The following DGKB variants were observed in gnomAD, a reference collection of about 807,000 sequenced individuals.
DGKB encodes diacylglycerol kinase beta.
Under a neutral mutation model 114.3 loss-of-function variants are expected in DGKB, and 67 were observed. The observed-to-expected ratio is 0.59, with a 90% CI of 0.48 to 0.72. The LOEUF (loss-of-function observed/expected upper bound fraction) is 0.72. Among genes scored for constraint, DGKB ranks in the 30% least tolerant of loss-of-function variants. The probability of loss-of-function intolerance (pLI) is 0.00; values close to 1 mark genes in which losing one functional copy is unlikely to be tolerated. For missense variants in DGKB, 907 were observed against 975.2 expected, an observed-to-expected ratio of 0.93 and a Z score of 0.93; for synonymous variants, 398 against 323.1, an observed-to-expected ratio of 1.23 and a Z score of -2.49.
chr7:14,331,818 T>C (rs1809763752), intron 23 of DGKB, among the ~76,000 whole-genome samples: 1 of 152,164 alleles, frequency 6.6e-6, no homozygotes. Flanking sequence ...TGCTTTGTTT[T>C]GCTTTTCTTC....
intron 21 of DGKB, among the ~76,000 whole-genome samples, chr7:14,438,137 G>A (rs1196195620): frequency 6.6e-6 from 1 of 151,890 alleles, no homozygotes; most frequent in Non-Finnish European, 1.5e-5. Flanking sequence ...AAAACTCAGG[G>A]ATACTAGGAG....
At chr7:14,305,050 AC>A (rs1278775619) in intron 23 of DGKB, among the ~76,000 whole-genome samples, 12 of 152,178 alleles carry the variant, frequency 7.9e-5, no homozygotes, top group Admixed American at 7.9e-4. Flanking sequence ...TGATATTTTC[AC>A]ATATGCATAC....
intron 20 of DGKB, among the ~76,000 whole-genome samples, chr7:14,528,030 TAA>T (rs1790924053): frequency 6.6e-6 from 1 of 152,070 alleles, no homozygotes; most frequent in African/African-American, 2.4e-5. Context: ...CATCTTTGGG[TAA>T]AGTGAAATAA....
intron 1 of DGKB, among the ~76,000 whole-genome samples, chr7:14,864,082 C>T (rs150011119): frequency 1.3e-4 from 17 of 133,656 alleles, no homozygotes; most frequent in African/African-American, 4.1e-4. Context: ...GTCTGGGCAA[C>T]GGGAGCAAAA....
At chr7:14,451,475 C>A (rs1238904947) in intron 21 of DGKB, among the ~76,000 whole-genome samples, 1 of 151,966 alleles carries the variant, frequency 6.6e-6, no homozygotes, top group Admixed American at 6.6e-5. Context: ...AGCTTACTGA[C>A]TGTGGATCTT....
chr7:14,607,667 G>C (rs1243432017), intron 16 of DGKB, among the ~76,000 whole-genome samples, 159 bp from the exon 17 acceptor site: 1 of 151,556 alleles, frequency 6.6e-6, no homozygotes, highest in South Asian at 2.1e-4. Flanking sequence ...AATATCAGAA[G>C]TCCAACAGCT....
rs545500430 is a variant in DGKB, at chr7:14,443,983, C to T, written c.1835+34178G>A. Among the ~76,000 whole-genome samples the T allele has an allele frequency of 1.6e-4, 24 of 151,774 alleles. No individual in the cohort carries two copies. The South Asian group carries it at 5.0e-3, about 32-fold the overall frequency. ...TTAAAGCTCTTTCCCTCATGTTTTA[C>T]TCTATCTTCTGTTTCATTAATACTC... On this transcript the variant is annotated intron_variant, in intron 21 of 25. Transcript: ENST00000402815.
At chr7:14,592,742 G>A (rs952357798) in intron 17 of DGKB, among the ~76,000 whole-genome samples, 12 of 151,286 alleles carry the variant, frequency 7.9e-5, no homozygotes, top group African/African-American at 2.9e-4. Context: ...ATTACAAAAT[G>A]GGGGAAAGGT....
intron 20 of DGKB, among the ~76,000 whole-genome samples, chr7:14,508,074 T>C (rs762971543): frequency 3.9e-5 from 6 of 152,314 alleles, no homozygotes; most frequent in Middle Eastern, 3.4e-3. Context: ...CAATAGACAA[T>C]CAGGCGGCAT....
intron 2 of DGKB, among the ~76,000 whole-genome samples, chr7:14,834,288 T>C (rs796348384): frequency 2.0e-4 from 30 of 152,226 alleles, no homozygotes; most frequent in African/African-American, 7.2e-4. Flanking sequence ...GAAATGAAAG[T>C]ATAAAGAAAT....
chr7:14,184,457 C>T (rs990746088), intron 23 of DGKB, among the ~76,000 whole-genome samples: 10 of 152,122 alleles, frequency 6.6e-5, no homozygotes, highest in African/African-American at 1.7e-4. Context: ...AGAGTTAGAA[C>T]GGGCCTTCAG....
rs576575511 is a variant in DGKB at position 14,667,097 on chromosome 7, C to A, written c.1134+5832G>T. On this transcript the variant is annotated intron_variant, in intron 13 of 25. Transcript: ENST00000402815. ...TGCATGCTTATAAAAAGCATTTCAT[C>A]AGTGCAGAGGAGATGCTTACCTTGC... Among the ~76,000 whole-genome samples, 11 of 152,084 alleles carry A rather than the reference C, an allele frequency of 7.2e-5. 1 individual carries two copies. In the East Asian group the frequency reaches 2.1e-3, roughly 29 times the overall value.
At chr7:14,966,816 A>C (rs1207234969) in intron 1 of DGKB, among the ~76,000 whole-genome samples, 1 of 152,178 alleles carries the variant, frequency 6.6e-6, no homozygotes, top group Admixed American at 6.5e-5. Context: ...TGAGAATCAG[A>C]GAAGGGGCTA....
At chr7:14,801,336 G>T (rs1842121136) in intron 2 of DGKB, among the ~76,000 whole-genome samples, 1 of 152,106 alleles carries the variant, frequency 6.6e-6, no homozygotes, top group Non-Finnish European at 1.5e-5. Flanking sequence ...GGTTTAAGGG[G>T]TGTGCATGGG....
At position 14,710,821 on chromosome 7, in the gene DGKB, G is replaced by A. The variant is rs537419875; in HGVS notation, c.466+7721C>T. Among the ~76,000 whole-genome samples the A allele has an allele frequency of 4.6e-5, 7 of 152,030 alleles. No homozygotes were observed. The East Asian group carries it at 9.7e-4, about 21-fold the overall frequency. On this transcript the variant is annotated intron_variant, in intron 6 of 25. Coordinates refer to ENST00000402815, the MANE Select transcript of DGKB (RefSeq NM_001350709.2). Reference sequence around the variant, plus strand: ...ACATTGTTTCATTTTCTAAAGTTAAGTCAAATTTAAATGCCTGTAATAATC... The same window carrying A: ...ACATTGTTTCATTTTCTAAAGTTAAATCAAATTTAAATGCCTGTAATAATC...
At chr7:14,682,180 T>G (rs1225676291) in intron 12 of DGKB, among the ~76,000 whole-genome samples, 1 of 152,080 alleles carries the variant, frequency 6.6e-6, no homozygotes, top group Non-Finnish European at 1.5e-5. Flanking sequence ...CAGAAAACCC[T>G]TATTAAACAG....
At chr7:14,935,606 T>C (rs531090696) in intron 1 of DGKB, among the ~76,000 whole-genome samples, 1 of 152,276 alleles carries the variant, frequency 6.6e-6, no homozygotes, top group African/African-American at 2.4e-5. Flanking sequence ...TACATGATGA[T>C]CTTTACAAGA....
At chr7:14,511,958 T>C (rs951300791) in intron 20 of DGKB, among the ~76,000 whole-genome samples, 12 of 152,178 alleles carry the variant, frequency 7.9e-5, no homozygotes, top group African/African-American at 2.9e-4. Context: ...ATTTGTGGTA[T>C]TCCCAAACAA....
chr7:14,536,999 G>T (rs192057063), intron 20 of DGKB, among the ~76,000 whole-genome samples: 1 of 152,170 alleles, frequency 6.6e-6, no homozygotes, highest in African/African-American at 2.4e-5. Context: ...CACAGAAAAA[G>T]CAGTTGCATT....
Sources: gnomAD v4.1 joint callset for allele counts (sites outside exome capture counted in the v4.1 genomes callset) on GRCh38, gnomAD v4.1.1 for gene constraint, MANE v1.5 for transcripts, NCBI Gene and HGNC (gene_info 2026-07-23, HGNC 2026-07-21) for gene names.